The following OPA1 variants were observed in gnomAD, a reference collection of about 807,000 sequenced individuals.
OPA1 encodes the protein dynamin-like GTPase OPA1, mitochondrial.
A neutral mutation model predicts 152.9 loss-of-function variants in OPA1; 59 were observed. The observed-to-expected ratio is 0.39, with a 90% confidence interval of 0.31 to 0.48. The LOEUF (loss-of-function observed/expected upper bound fraction) is 0.48. Among genes scored for constraint, OPA1 ranks in the 20% least tolerant of loss-of-function variants. The probability of loss-of-function intolerance (pLI) is 0.96; values close to 1 mark genes in which losing one functional copy is unlikely to be tolerated. For synonymous variants in OPA1, 400 were observed against 389.9 expected (o/e 1.03, Z -0.31); for missense variants, 1,008 against 1,216.8 (o/e 0.83, Z 2.55).
chr3:193,664,858 GCTTT>G lies in OPA1; in HGVS notation c.2662-17_2662-14del. The G allele has an allele frequency of 8.0e-7, 1 of 1,249,430 alleles. No individual in the cohort carries two copies. Among genetic ancestry groups the G allele is most frequent in the Non-Finnish European group, 1.2e-6 (1 of 848,724 alleles). 77.4% of individuals were successfully genotyped at this position (1,249,430 alleles called of 1,614,324 possible). On this transcript the variant is annotated intron_variant, in intron 26 of 30. Coordinates refer to ENST00000361510, the MANE Select transcript of OPA1 (RefSeq NM_130837.3). ...CATGAAGAATATACAGTAACTCTGG[GCTTT>G]CTTTTTTCTCATTTTAGATTAAGGA...
At chr3:193,662,743 A>G (rs1715592776) in intron 25 of OPA1, 79 bp from the exon 26 acceptor site, 3 of 1,141,910 alleles carry the variant, frequency 2.6e-6, no homozygotes, top group African/African-American at 1.5e-5. Context: ...ATAGTAATGT[A>G]TTTATTAAAA....
intron 24 of OPA1, 45 bp from the exon 25 acceptor site, chr3:193,659,437 G>C: frequency 7.1e-7 from 1 of 1,400,904 alleles, no homozygotes; most frequent in Non-Finnish European, 1.0e-6. Flanking sequence ...TAATTTGTGT[G>C]TGTGTAAGTG....
rs1392244530 is a variant in OPA1 at position 193,692,052 on chromosome 3, T to C, written c.2984-11T>C. 3 of 1,441,804 alleles carry C rather than the reference T, an allele frequency of 2.1e-6. No homozygotes were observed. In the African/African-American group the frequency reaches 4.2e-5, roughly 20 times the overall value. The allele number at this position is 1,441,804 out of a possible 1,614,324, so 89.3% of individuals were successfully genotyped here. ...AAAAATAAATGTTTTTCTTTATTTT[T>C]ATCTCCACAGAGAAAGTTAGAGAAA... On this transcript the variant is annotated splice_polypyrimidine_tract_variant and intron_variant, in intron 29 of 30. Coordinates refer to ENST00000361510, the MANE Select transcript of OPA1 (RefSeq NM_130837.3).
chr3:193,691,261 T>C (rs887518828), intron 29 of OPA1: 2 of 152,332 alleles, frequency 1.3e-5, no homozygotes, highest in Non-Finnish European at 2.9e-5. Context: ...TGAAGTAGTA[T>C]AGATCATGAC....
In OPA1 at chr3:193,618,930, T is replaced by G. The variant is rs1464256773; in HGVS notation, c.672T>G (p.Phe224Leu). 1.2e-6 allele frequency: 2 copies of G among 1,612,942 alleles called. No individual in the cohort carries two copies. Among genetic ancestry groups the G allele is most frequent in the East Asian group, 4.5e-5 (2 of 44,854 alleles). The change falls in exon 6 of 31, where the codon TTT becomes TTG. Residue 224 changes from phenylalanine (F) to leucine (L), a missense_variant. Around this residue, in one of 7 missense-constraint regions of OPA1, gnomAD observed 408 missense variants for 395.1 expected, o/e 1.03. Coordinates refer to ENST00000361510, the MANE Select transcript of OPA1 (RefSeq NM_130837.3). ...TDRGSESDKH[F>L]RKGLLGELIL... Reference sequence around the variant, plus strand: ...GTGGATCTGAAAGTGACAAGCATTTTAGAAAGGTAAGTGTAAAAGAGAATT... The same window carrying G: ...GTGGATCTGAAAGTGACAAGCATTTGAGAAAGGTAAGTGTAAAAGAGAATT...
chr3:193,663,062 T>A lies in OPA1; in HGVS notation c.2661+100T>A, dbSNP rs142580011. The A allele has an allele frequency of 8.8e-6, 11 of 1,250,512 alleles. No individual in the cohort carries two copies. The East Asian group carries it at 2.4e-4, about 27-fold the overall frequency. 77.5% of individuals were successfully genotyped at this position (1,250,512 alleles called of 1,614,324 possible). A position where few individuals can be genotyped will look rare whatever the true frequency, so the allele number is the denominator to read the frequency against. ...TTAGTTAGATATTTAAGTGCTTAAT[T>A]TGACTTTTGTCACGTGTACATTTGC... On this transcript the variant is annotated intron_variant, in intron 26 of 30. Coordinates refer to ENST00000361510, the MANE Select transcript of OPA1 (RefSeq NM_130837.3).
In OPA1 at chr3:193,657,222, A is replaced by G. The variant is rs199925668; in HGVS notation, c.2321A>G (p.Glu774Gly). 2 of 1,613,970 alleles carry G rather than the reference A, an allele frequency of 1.2e-6. No homozygotes were observed. The highest frequency in any genetic ancestry group is 2.2e-5 in the East Asian group (1 of 44,850). Residue 774 changes from glutamate to glycine, a missense_variant, in exon 23 of 31, where the codon GAG (glutamate) becomes GGG (glycine). By Grantham distance (98) the Glu-to-Gly change is moderately conservative (BLOSUM62 -2). Coordinates refer to ENST00000361510, the MANE Select transcript of OPA1 (RefSeq NM_130837.3). ...IKRHKWNDFAEDSLRVIQHNA... is the reference protein window; with the variant it reads ...IKRHKWNDFAGDSLRVIQHNA... ...CGACACAAGTGGAATGACTTTGCGG[A>G]GGACAGCTTGGTATGTTGTTTGTAT...
intron 1 of OPA1, among the ~76,000 whole-genome samples, chr3:193,610,649 G>A (rs556047250): frequency 9.8e-5 from 15 of 152,358 alleles, no homozygotes; most frequent in African/African-American, 2.6e-4. Context: ...GTCTACAGAG[G>A]AAGGCAGGCC....
intron 29 of OPA1, among the ~76,000 whole-genome samples, chr3:193,686,101 A>T (rs1462668224): frequency 6.6e-6 from 1 of 152,248 alleles, no homozygotes; most frequent in Non-Finnish European, 1.5e-5. Flanking sequence ...AGTCCATGTT[A>T]CAGAAGATTT....
intron 21 of OPA1, among the ~76,000 whole-genome samples, chr3:193,652,957 T>C (rs763053018): frequency 3.3e-5 from 5 of 151,906 alleles, no homozygotes; most frequent in Non-Finnish European, 7.4e-5. Context: ...GCCCACAGAC[T>C]CCAGGGAAAA....
chr3:193,618,899 C>T lies in OPA1; in HGVS notation c.641C>T (p.Thr214Ile), dbSNP rs1198238586. 1.2e-6 allele frequency: 2 copies of T among 1,613,768 alleles called. No homozygotes were observed. The highest frequency in any genetic ancestry group is 1.7e-5 in the Admixed American group (1 of 60,006). ...CCGGAAGAAACGGCGTTTAGAGCAA[C>T]AGATCGTGGATCTGAAAGTGACAAG... is the stretch of plus-strand genomic sequence containing the variant. ...GSPEETAFRA[T>I]DRGSESDKHF... is the part of the protein sequence containing the mutation. Residue 214 changes from threonine (T) to isoleucine (I), a missense_variant, in exon 6 of 31, where the codon ACA becomes ATA. Thr to Ile is a moderately conservative substitution (Grantham distance 89). This residue lies in a region of OPA1 where 408 missense variants were observed against 395.1 expected (regional missense o/e 1.03). Coordinates refer to ENST00000361510, the MANE Select transcript of OPA1 (RefSeq NM_130837.3).
At position 193,648,133 on chromosome 3, in the gene OPA1, G is replaced by T. The variant is rs147077380; in HGVS notation, c.1934G>T (p.Arg645Leu). 6.2e-7 allele frequency: 1 copy of T among 1,606,968 alleles called. No individual in the cohort carries two copies. The highest frequency in any genetic ancestry group is 1.1e-5 in the South Asian group (1 of 90,892). ...TATCCTCGCCTGCGGGAACTTGACCGGGTAATATTTGGATACTCGTGTATT... is the reference window on the plus strand; with the variant it reads ...TATCCTCGCCTGCGGGAACTTGACCTGGTAATATTTGGATACTCGTGTATT... ...NNYPRLRELD[R>L]NELFEKAKNE... is the part of the protein sequence containing the mutation. Residue 645 changes from arginine (R) to leucine (L), a missense_variant and splice_region_variant, in exon 20 of 31, where the codon CGG becomes CTG. Arg to Leu is a moderately radical substitution (Grantham distance 102). Coordinates refer to ENST00000361510, the MANE Select transcript of OPA1 (RefSeq NM_130837.3).
rs893655293 is a variant in OPA1, at chr3:193,696,517, T to C, written c.*1917T>C. 1 of 152,234 alleles carries C rather than the reference T, an allele frequency of 6.6e-6. No individual in the cohort carries two copies. The highest frequency in any genetic ancestry group is 2.4e-5 in the African/African-American group (1 of 41,460). 9.4% of individuals were successfully genotyped at this position (152,234 alleles called of 1,614,324 possible). On this transcript the variant is annotated 3_prime_UTR_variant, in exon 31 of 31. Coordinates refer to ENST00000361510, the MANE Select transcript of OPA1 (RefSeq NM_130837.3). ...ATGTGGCTTCTTTCATGGGTTTTTT[T>C]TTCTTCTTTTTAGCTGATCTCATCC... is the stretch of plus-strand genomic sequence containing the variant.
In OPA1 at chr3:193,604,343, G is replaced by A. The variant is rs538770864; in HGVS notation, c.33-10380G>A. Among the ~76,000 whole-genome samples, 113 of 152,306 alleles carry A rather than the reference G, an allele frequency of 7.4e-4. 2 individuals are homozygous for A. The highest frequency in any genetic ancestry group is 1.7e-3 in the South Asian group (8 of 4,830). ...AGCCTGCTCATGACTGTCTTCCCAA[G>A]GTAAAGGCTCTGGTACAGCATTTTT... On this transcript the variant is annotated intron_variant, in intron 1 of 30. Transcript: ENST00000361510.
rs1394991054 is a variant in OPA1, at chr3:193,657,224, G to A, written c.2323G>A (p.Asp775Asn). ...KRHKWNDFAE[D>N]SLRVIQHNAL... ...ACACAAGTGGAATGACTTTGCGGAG[G>A]ACAGCTTGGTATGTTGTTTGTATAC... Residue 775 changes from aspartate (D) to asparagine (N), a missense_variant, in exon 23 of 31, where the codon GAC becomes AAC. Asp to Asn is a conservative substitution (Grantham distance 23, BLOSUM62 1). Coordinates refer to ENST00000361510, the MANE Select transcript of OPA1 (RefSeq NM_130837.3). 6.2e-7 allele frequency: 1 copy of A among 1,613,884 alleles called. No homozygotes were observed.
chr3:193,663,093 G>T, intron 26 of OPA1, 131 bp downstream of exon 26: 1 of 846,104 alleles, frequency 1.2e-6, no homozygotes, highest in South Asian at 1.6e-5. Context: ...TTTGCTGACA[G>T]TAAAAGCTTA....
At chr3:193,685,370 T>C (rs768911445) in intron 29 of OPA1, among the ~76,000 whole-genome samples, 2 of 152,252 alleles carry the variant, frequency 1.3e-5, no homozygotes, top group Non-Finnish European at 2.9e-5. Context: ...CAGGCATCAG[T>C]TGTAATTTAC....
chr3:193,611,125 G>T, intron 1 of OPA1, among the ~76,000 whole-genome samples: 1 of 152,152 alleles, frequency 6.6e-6, no homozygotes, highest in East Asian at 1.9e-4. Flanking sequence ...TTTCTGCGTC[G>T]CTCAAGCTGG....
chr3:193,651,764 C>T (rs1362789054), intron 21 of OPA1, among the ~76,000 whole-genome samples: 1 of 151,836 alleles, frequency 6.6e-6, no homozygotes, highest in Non-Finnish European at 1.5e-5. Flanking sequence ...TAAATACACA[C>T]AAATAGTTAC....
Sources: gnomAD v4.1 joint callset for allele counts (sites outside exome capture counted in the v4.1 genomes callset) on GRCh38, gnomAD v4.1.1 for gene constraint, gnomAD v4.1.1 regional missense constraint, MANE v1.5 for transcripts, NCBI Gene and HGNC (gene_info 2026-07-23, HGNC 2026-07-21) for gene names.